Variants in GPRC5C observed in about 807,000 individuals in gnomAD.
The protein encoded by GPRC5C is G protein-coupled receptor family C group 5 member C.
GPRC5C carries 22 observed loss-of-function variants against 31.4 expected under a neutral mutation model. The observed-to-expected ratio is 0.70, with a 90% CI of 0.50 to 1.00. The LOEUF (loss-of-function observed/expected upper bound fraction) is 1.00, where lower values mean the gene tolerates loss of function less well. Among genes scored for constraint, GPRC5C ranks in the 50% least tolerant of loss-of-function variants. GPRC5C has a pLI of 0.00. For synonymous variants in GPRC5C, 249 were observed against 257.5 expected (o/e 0.97, Z 0.32); for missense variants, 557 against 597.2 (o/e 0.93, Z 0.70).
At chr17:74,435,075 C>T (rs1320051273) in intron 1 of GPRC5C, among the ~76,000 whole-genome samples, 4 of 144,542 alleles carry the variant, frequency 2.8e-5, no homozygotes, top group Admixed American at 1.4e-4. Context: ...AAAAATTAGC[C>T]GGGCGTGGTG....
chr17:74,443,314 T>G (rs1598432411), intron 2 of GPRC5C: 1 of 263,000 alleles, frequency 3.8e-6, no homozygotes, highest in Non-Finnish European at 7.4e-6. Flanking sequence ...TCTGGGTTGG[T>G]GTAGTGGGGA....
chr17:74,432,134 G>C lies in GPRC5C; in HGVS notation c.-40G>C, dbSNP rs1328239744. 1.2e-6 allele frequency: 2 copies of C among 1,612,742 alleles called. No homozygotes were observed. The highest frequency in any genetic ancestry group is 8.5e-7 in the Non-Finnish European group (1 of 1,179,578). On this transcript the variant is annotated 5_prime_UTR_variant, in exon 1 of 4. Coordinates refer to ENST00000392627, the MANE Select transcript of GPRC5C (RefSeq NM_022036.4). ...CAGCCGGAAAGTACGAGTCGGCTCA[G>C]CCTGGAGGTGAGTCGGGGCGGGGAG...
In GPRC5C at chr17:74,440,809, A is replaced by G. The variant is rs759402185; in HGVS notation, c.1033A>G (p.Met345Val). The G allele has an allele frequency of 1.3e-6, 2 of 1,487,734 alleles. No homozygotes were observed. The allele number at this position is 1,487,734 out of a possible 1,614,324, so 92.2% of individuals were successfully genotyped here. The change falls in exon 2 of 4, where the codon ATG becomes GTG. Residue 345 changes from methionine to valine, a missense_variant. Transcript: ENST00000392627. The surrounding 1 kb of genome is among the most constrained non-coding windows in gnomAD (Gnocchi z 4.4). ...GTTCGTGGAGAACAAGGCCTTTTCC[A>G]TGGATGAGCCGGTTGCAGGTGGGTC... The part of the protein sequence containing the change: ...SMFVENKAFS[M>V]DEPVAAKRPV...
chr17:74,443,606 A>C, intron 2 of GPRC5C: 1 of 687,784 alleles, frequency 1.5e-6, no homozygotes, highest in Non-Finnish European at 2.7e-6. Context: ...ACTCCCATGC[A>C]TCTGTACAAA....
chr17:74,438,695 A>G (rs1348206712), intron 1 of GPRC5C, among the ~76,000 whole-genome samples: 1 of 152,206 alleles, frequency 6.6e-6, no homozygotes, highest in Non-Finnish European at 1.5e-5. Flanking sequence ...CACCGTGCCC[A>G]GCAGCATTTA....
downstream of GPRC5C, chr17:74,449,303 C>G: frequency 8.0e-7 from 1 of 1,254,104 alleles, no homozygotes; most frequent in South Asian, 1.3e-5. Context: ...AGTAGAGTCC[C>G]CTTTGACTCT....
intron 1 of GPRC5C, among the ~76,000 whole-genome samples, chr17:74,433,156 T>A (rs902318842): frequency 1.3e-5 from 2 of 151,852 alleles, no homozygotes; most frequent in African/African-American, 4.8e-5. Context: ...ACTTACAAAC[T>A]CCACGATCAA....
intron 1 of GPRC5C, among the ~76,000 whole-genome samples, chr17:74,436,580 G>A (rs987365638): frequency 2.6e-5 from 4 of 152,168 alleles, no homozygotes; most frequent in African/African-American, 9.7e-5. Context: ...ATGCCATCAA[G>A]TCAGGGACTA....
rs556432707 is a variant in GPRC5C at position 74,434,128 on chromosome 17, G to C, written c.-33+1987G>C. Among the ~76,000 whole-genome samples, 4 of 152,294 alleles carry C rather than the reference G, an allele frequency of 2.6e-5. No individual in the cohort carries two copies. The South Asian group carries it at 8.3e-4, about 32-fold the overall frequency. ...GCCTGGGGAAAGGCCGATTTCGGAG[G>C]CGATTAAAAATATTTGTACAACTGA... On this transcript the variant is annotated intron_variant, in intron 1 of 3. Transcript: ENST00000392627.
At chr17:74,443,944 T>G in intron 3 of GPRC5C, 32 bp downstream of exon 3, 1 of 1,443,944 alleles carries the variant, frequency 6.9e-7, no homozygotes. Context: ...CCGTGACACG[T>G]CTGGGCTACA....
Position 74,440,497 on chromosome 17 carries a change from C to A in GPRC5C, c.721C>A (p.His241Asn). The A allele has an allele frequency of 6.2e-7, 1 of 1,614,162 alleles. No homozygotes were observed. Among genetic ancestry groups the A allele is most frequent in the Non-Finnish European group, 8.5e-7 (1 of 1,180,038 alleles). The change falls in exon 2 of 4, where the codon CAT becomes AAT. Residue 241 changes from histidine (H) to asparagine (N), a missense_variant. Physicochemically the swap from His to Asn is moderately conservative, Grantham distance 68. Coordinates refer to ENST00000392627, the MANE Select transcript of GPRC5C (RefSeq NM_022036.4). This position sits in a 1 kb window ranked among gnomAD's most constrained non-coding sequence, Gnocchi z 4.4. ...LCGRYKRWRKHGVFVLLTTAT... is the reference protein window; with the variant it reads ...LCGRYKRWRKNGVFVLLTTAT... Reference sequence around the variant, plus strand: ...TGGCCGCTACAAGCGCTGGCGTAAGCATGGGGTCTTTGTGCTCCTCACCAC... The same window carrying A: ...TGGCCGCTACAAGCGCTGGCGTAAGAATGGGGTCTTTGTGCTCCTCACCAC...
At position 74,437,629 on chromosome 17, in the gene GPRC5C, A is replaced by ATTTTTTTTTTTTTTTTT. The variant is rs57390968; in HGVS notation, c.-32-2101_-32-2100insTTTTTTTTTTTTTTTTT. ...CTTTCACATAACAATTATGGACAGA[A>ATTTTTTTTTTTTTTTTT]TTTTTTTTTTTTTTTGCTTCTGTGT... On this transcript the variant is annotated intron_variant, in intron 1 of 3. Coordinates refer to ENST00000392627, the MANE Select transcript of GPRC5C (RefSeq NM_022036.4). Among the ~76,000 whole-genome samples, 17 of 129,850 alleles carry ATTTTTTTTTTTTTTTTT rather than the reference A, an allele frequency of 1.3e-4. 1 individual carries two copies. The highest frequency in any genetic ancestry group is 4.9e-4 in the African/African-American group (14 of 28,374). The allele number at this position is 129,850 out of a possible 152,430, so 85.2% of individuals were successfully genotyped here. A position where few individuals can be genotyped will look rare whatever the true frequency, so the allele number is the denominator to read the frequency against.
intron 2 of GPRC5C, among the ~76,000 whole-genome samples, chr17:74,442,901 G>T (rs537035490): frequency 9.9e-5 from 15 of 152,170 alleles, no homozygotes; most frequent in Admixed American, 3.3e-4. Context: ...GGAGCCTCAG[G>T]CCCCGCCCCC....
intron 2 of GPRC5C, among the ~76,000 whole-genome samples, chr17:74,442,315 T>C (rs2055554105): frequency 6.6e-6 from 1 of 152,224 alleles, no homozygotes; most frequent in South Asian, 2.1e-4. Context: ...TTTCTCTTTT[T>C]AATAAAAGTA....
chr17:74,437,212 A>G lies in GPRC5C; in HGVS notation c.-32-2533A>G, dbSNP rs1320164167. ...CCGCCAAAAGTGCTGGGATTACAGC[A>G]TGAGCCACCGCACCCAGCCTACTCC... On this transcript the variant is annotated intron_variant, in intron 1 of 3. Coordinates refer to ENST00000392627, the MANE Select transcript of GPRC5C (RefSeq NM_022036.4). 2.0e-5 allele frequency among the ~76,000 whole-genome samples: 3 copies of G among 152,106 alleles called. No homozygotes were observed. In the East Asian group the frequency reaches 5.8e-4, roughly 29 times the overall value.
intron 1 of GPRC5C, among the ~76,000 whole-genome samples, chr17:74,434,968 C>G (rs1285572017): frequency 6.6e-6 from 1 of 151,864 alleles, no homozygotes; most frequent in Non-Finnish European, 1.5e-5. Flanking sequence ...GCCTGTAATC[C>G]CAGCACTTTG....
chr17:74,439,649 A>T lies in GPRC5C; in HGVS notation c.-32-96A>T, dbSNP rs565434515. 4.9e-5 allele frequency: 57 copies of T among 1,155,520 alleles called. No individual in the cohort carries two copies. In the South Asian group the frequency reaches 7.4e-4, roughly 15 times the overall value. The allele number at this position is 1,155,520 out of a possible 1,614,324, so 71.6% of individuals were successfully genotyped here. ...GAGAGCCTCACGGTCAGCAGCTAGC[A>T]CTATCTGCCTGGGTTTAGGTTGGGG... is the stretch of plus-strand genomic sequence containing the variant. On this transcript the variant is annotated intron_variant, in intron 1 of 3. Coordinates refer to ENST00000392627, the MANE Select transcript of GPRC5C (RefSeq NM_022036.4).
chr17:74,440,662 G>A lies in GPRC5C; in HGVS notation c.886G>A (p.Val296Ile), dbSNP rs201878519. Residue 296 changes from valine (V) to isoleucine (I), a missense_variant, in exon 2 of 4, where the codon GTC becomes ATC. Coordinates refer to ENST00000392627, the MANE Select transcript of GPRC5C (RefSeq NM_022036.4). The surrounding 1 kb of genome is among the most constrained non-coding windows in gnomAD (Gnocchi z 4.4). ...TGCCTGGGCCTTCGTCCTCTTCTAC[G>A]TCATCCCCGAGGTCTCCCAGGTGAC... ...ANAWAFVLFY[V>I]IPEVSQVTKS... 2.3e-5 allele frequency: 37 copies of A among 1,608,592 alleles called. No homozygotes were observed. The highest frequency in any genetic ancestry group is 4.5e-5 in the East Asian group (2 of 44,702).
chr17:74,437,954 A>T (rs2144412491), intron 1 of GPRC5C, among the ~76,000 whole-genome samples: 1 of 152,220 alleles, frequency 6.6e-6, no homozygotes, highest in East Asian at 1.9e-4. Context: ...GGTGACTTAA[A>T]TGTGGACTAC....
Sources: gnomAD v4.1 joint callset for allele counts (sites outside exome capture counted in the v4.1 genomes callset) on GRCh38, gnomAD v4.1.1 for gene constraint, Gnocchi (gnomAD v3.1) non-coding constraint, MANE v1.5 for transcripts, NCBI Gene and HGNC (gene_info 2026-07-23, HGNC 2026-07-21) for gene names.